Variants in PCDHGA1 observed in about 807,000 individuals in gnomAD.
PCDHGA1 encodes protocadherin gamma-A1.
A neutral mutation model predicts 58.0 loss-of-function variants in PCDHGA1; 32 were observed. That is an observed-to-expected ratio of 0.55 (90% confidence interval 0.42 to 0.74). The LOEUF is 0.74. Ranked by LOEUF, PCDHGA1 falls within the 30% of genes least tolerant of loss-of-function variation. The pLI is 0.00. For synonymous variants in PCDHGA1, 498 were observed against 501.1 expected (o/e 0.99, Z 0.08); for missense variants, 1,205 against 1,182.3 (o/e 1.02, Z -0.28).
chr5:141,335,387 C>T (rs1756563662), intron 1 of PCDHGA1, among the ~76,000 whole-genome samples: 1 of 151,898 alleles, frequency 6.6e-6, no homozygotes, highest in South Asian at 2.1e-4. Context: ...GTTAATGTAA[C>T]AACAAAGTCA....
At chr5:141,388,773 G>T (rs769358867) in intron 1 of PCDHGA1, 12 of 1,613,808 alleles carry the variant, frequency 7.4e-6, no homozygotes, top group Non-Finnish European at 9.3e-6. Context: ...CTCTAACACC[G>T]GGGAAATTAC....
At chr5:141,467,393 T>C (rs1409255781) in intron 1 of PCDHGA1, among the ~76,000 whole-genome samples, 3 of 152,124 alleles carry the variant, frequency 2.0e-5, no homozygotes, top group African/African-American at 7.2e-5. Flanking sequence ...TTTTAAGTCA[T>C]AGTTAGAAAG....
intron 1 of PCDHGA1, chr5:141,409,037 T>A: frequency 3.7e-6 from 6 of 1,613,992 alleles, no homozygotes; most frequent in Non-Finnish European, 5.1e-6. Context: ...TGAGATAAAC[T>A]ACTACTTCCG....
intron 1 of PCDHGA1, among the ~76,000 whole-genome samples, chr5:141,348,932 G>T (rs1307692847): frequency 3.9e-5 from 6 of 152,188 alleles, no homozygotes; most frequent in Non-Finnish European, 8.8e-5. Context: ...ACCAAGACTG[G>T]TTCTAAGCCT....
chr5:141,486,091 G>A lies in PCDHGA1; in HGVS notation c.2422-8716G>A, dbSNP rs2099624256. On this transcript the variant is annotated intron_variant, in intron 1 of 3. Coordinates refer to ENST00000517417, the MANE Select transcript of PCDHGA1 (RefSeq NM_018912.3). This position sits in a 1 kb window ranked among gnomAD's most constrained non-coding sequence, Gnocchi z 5.0. ...CTACTGGAAAGCTTACTCTTTTGGGGCCCCTAGACTTTGAGAGTGAGAATT... is the reference window on the plus strand; with the variant it reads ...CTACTGGAAAGCTTACTCTTTTGGGACCCCTAGACTTTGAGAGTGAGAATT... 2 of 1,614,158 alleles carry A rather than the reference G, an allele frequency of 1.2e-6. No homozygotes were observed. Among genetic ancestry groups the A allele is most frequent in the Non-Finnish European group, 1.7e-6 (2 of 1,180,024 alleles).
At chr5:141,423,734 T>C in intron 1 of PCDHGA1, 1 of 969,626 alleles carries the variant, frequency 1.0e-6, no homozygotes, top group Non-Finnish European at 1.3e-6. Flanking sequence ...TTTTTGAGCC[T>C]GTTATGAAAA....
chr5:141,431,770 T>A lies in PCDHGA1; in HGVS notation c.2422-63037T>A, dbSNP rs748816389. 7 of 1,614,086 alleles carry A rather than the reference T, an allele frequency of 4.3e-6. No homozygotes were observed. The highest frequency in any genetic ancestry group is 1.3e-5 in the African/African-American group (1 of 74,938). ...CGCGAGCCAAAGTCCTGATCACTGT[T>A]CTGGACGTGAACGACAATGCCCCAG... On this transcript the variant is annotated intron_variant, in intron 1 of 3. Coordinates refer to ENST00000517417, the MANE Select transcript of PCDHGA1 (RefSeq NM_018912.3). This position sits in a 1 kb window ranked among gnomAD's most constrained non-coding sequence, Gnocchi z 4.8.
intron 2 of PCDHGA1, among the ~76,000 whole-genome samples, chr5:141,502,988 C>A (rs1285178746): frequency 6.7e-6 from 1 of 150,346 alleles, no homozygotes; most frequent in Non-Finnish European, 1.5e-5. Flanking sequence ...GGATTACAGG[C>A]GTGTGCCACC....
chr5:141,489,359 AG>A lies in PCDHGA1; in HGVS notation c.2422-5447del. On this transcript the variant is annotated intron_variant, in intron 1 of 3. Coordinates refer to ENST00000517417, the MANE Select transcript of PCDHGA1 (RefSeq NM_018912.3). The surrounding 1 kb of genome is among the most constrained non-coding windows in gnomAD (Gnocchi z 4.5). ...CGTTACTCAGTGGTGGAGGAGTCTG[AG>A]CCGGGGACGCTGGTGGGGAATGTTG... 1 of 1,613,110 alleles carries A rather than the reference AG, an allele frequency of 6.2e-7. No homozygotes were observed. The highest frequency in any genetic ancestry group is 1.1e-5 in the South Asian group (1 of 90,984).
Position 141,389,991 on chromosome 5 carries a change from G to C in PCDHGA1, c.2421+56886G>C, listed in dbSNP as rs561094692. The C allele has an allele frequency of 4.3e-6, 7 of 1,613,898 alleles. No homozygotes were observed. The Admixed American group carries it at 5.0e-5, about 12-fold the overall frequency. ...GGCCTTGATCTCAGTGCTCTTCCTC[G>C]TGGCCATGATTCTGGCCATTGCCTT... On this transcript the variant is annotated intron_variant, in intron 1 of 3. Transcript: ENST00000517417.
At chr5:141,370,334 T>C in intron 1 of PCDHGA1, 3 of 1,443,302 alleles carry the variant, frequency 2.1e-6, no homozygotes, top group Non-Finnish European at 2.8e-6. Context: ...CGGAGAACTC[T>C]TGGGATTATT....
chr5:141,364,488 G>A (rs144886424), intron 1 of PCDHGA1: 360 of 1,614,020 alleles, frequency 2.2e-4, no homozygotes, highest in Non-Finnish European at 2.9e-4. Context: ...AAGGACCTTG[G>A]GCTGGAGCCC....
chr5:141,351,441 C>A, intron 1 of PCDHGA1: 1 of 1,612,464 alleles, frequency 6.2e-7, no homozygotes, highest in South Asian at 1.1e-5. Flanking sequence ...GAATCCACCT[C>A]GAAGAATTAT....
At chr5:141,416,014 A>G (rs1258459397) in intron 1 of PCDHGA1, 1 of 228,504 alleles carries the variant, frequency 4.4e-6, no homozygotes, top group African/African-American at 2.3e-5. Flanking sequence ...AAGAATAGGT[A>G]AGTATCAGAA....
intron 1 of PCDHGA1, chr5:141,423,752 G>GC: frequency 1.6e-6 from 1 of 644,956 alleles, no homozygotes; most frequent in East Asian, 1.1e-4. Context: ...AAACTGTTTG[G>GC]GGGGGGGGTG....
At chr5:141,421,522 A>G in intron 1 of PCDHGA1, 1 of 1,614,068 alleles carries the variant, frequency 6.2e-7, no homozygotes, top group Non-Finnish European at 8.5e-7. Context: ...GCTCTGTGAG[A>G]CGGTGTCCTC....
intron 1 of PCDHGA1, chr5:141,430,556 C>A (rs1479639096): frequency 9.7e-6 from 4 of 413,394 alleles, no homozygotes; most frequent in African/African-American, 2.1e-5. Flanking sequence ...GTTCACCAAT[C>A]GGGGAGAGAA....
At chr5:141,453,652 T>C (rs1302902554) in intron 1 of PCDHGA1, among the ~76,000 whole-genome samples, 1 of 152,252 alleles carries the variant, frequency 6.6e-6, no homozygotes, top group Non-Finnish European at 1.5e-5. Context: ...TTATGTCCTC[T>C]TCTTTCTTAC....
intron 1 of PCDHGA1, chr5:141,409,395 C>T: frequency 6.2e-7 from 1 of 1,614,030 alleles, no homozygotes; most frequent in South Asian, 1.1e-5. Flanking sequence ...TATTCTTCTT[C>T]CAATAACTAC....
Sources: allele counts gnomAD v4.1 joint callset (sites outside exome capture counted in the v4.1 genomes callset), GRCh38; gene constraint gnomAD v4.1.1; non-coding constraint Gnocchi (gnomAD v3.1); transcripts MANE v1.5; gene names NCBI Gene and HGNC (gene_info 2026-07-23, HGNC 2026-07-21).